Variants in AMZ2 observed in about 807,000 individuals in gnomAD.
AMZ2 encodes archaelysin family metallopeptidase 2.
Under a neutral mutation model 36.7 loss-of-function variants are expected in AMZ2, and 26 were observed. That is an observed-to-expected ratio of 0.71 (90% CI 0.52 to 0.98). The LOEUF (loss-of-function observed/expected upper bound fraction) is 0.98. Ranked by LOEUF, AMZ2 falls within the 50% of genes least tolerant of loss-of-function variation. AMZ2 has a pLI of 0.00. For missense variants in AMZ2, 394 were observed against 430.5 expected (o/e 0.92, Z 0.75); for synonymous variants, 144 against 149.1 (o/e 0.97, Z 0.25).
At chr17:68,253,230 C>G (rs2074621642) in intron 4 of AMZ2, among the ~76,000 whole-genome samples, 1 of 152,136 alleles carries the variant, frequency 6.6e-6, no homozygotes, top group Admixed American at 6.5e-5. Context: ...TTCCAGAATG[C>G]TATCTTTGCT....
chr17:68,227,499 T>A (rs2073544856), intron 1 of AMZ2, among the ~76,000 whole-genome samples: 1 of 152,172 alleles, frequency 6.6e-6, no homozygotes, highest in African/African-American at 2.4e-5. Context: ...AAGTCTAAAC[T>A]CCTTACTGCT....
At chr17:68,248,778 G>A (rs1488249316) in intron 1 of AMZ2, 73 bp downstream of exon 1, 27 of 994,020 alleles carry the variant, frequency 2.7e-5, no homozygotes, top group Middle Eastern at 4.9e-4. Context: ...GCCCAGTTGT[G>A]TAGGAGTGAG....
chr17:68,211,274 G>A (rs1200918885), intron 1 of AMZ2, among the ~76,000 whole-genome samples: 5 of 152,064 alleles, frequency 3.3e-5, no homozygotes, highest in African/African-American at 9.7e-5. Flanking sequence ...AGGCCGATGC[G>A]GTAGGATCAT....
In AMZ2 at chr17:68,230,320, C is replaced by T. The variant is rs553598069; in HGVS notation, c.-66-18320C>T. The stretch of plus-strand genomic sequence containing the variant: ...AACTCCTGACCCCAGGTGATCCACT[C>T]GCCTCGGCCTCCCACAGTGCTGGGA... On this transcript the variant is annotated intron_variant, in intron 1 of 7. Coordinates refer to the AMZ2 transcript ENST00000674770. Among the ~76,000 whole-genome samples the T allele has an allele frequency of 4.6e-5, 7 of 152,334 alleles. No individual in the cohort carries two copies. In the East Asian group the frequency reaches 1.4e-3, roughly 29 times the overall value.
At chr17:68,247,604 G>A (rs1234252119), upstream of AMZ2, 4 of 982,654 alleles carry the variant, frequency 4.1e-6, no homozygotes, top group African/African-American at 3.5e-5. Flanking sequence ...TGAGGGTGAC[G>A]GCCCCGGGGA....
chr17:68,232,576 G>C (rs2073691511), intron 1 of AMZ2, among the ~76,000 whole-genome samples: 1 of 151,872 alleles, frequency 6.6e-6, no homozygotes, highest in Admixed American at 6.6e-5. Flanking sequence ...TGTGGTTTTG[G>C]ATCATGCCTA....
intron 1 of AMZ2, among the ~76,000 whole-genome samples, chr17:68,240,878 A>G (rs1436936982): frequency 2.6e-5 from 4 of 152,244 alleles, no homozygotes; most frequent in African/African-American, 9.6e-5. Context: ...TAAATTCTCA[A>G]TCAAGTATGA....
chr17:68,240,121 C>G (rs1305449944), intron 1 of AMZ2, among the ~76,000 whole-genome samples: 1 of 152,150 alleles, frequency 6.6e-6, no homozygotes, highest in African/African-American at 2.4e-5. Context: ...CTGGGGAGGG[C>G]CTGCTTTCTG....
chr17:68,247,623 G>C, upstream of AMZ2: 2 of 985,356 alleles, frequency 2.0e-6, no homozygotes, highest in Non-Finnish European at 2.4e-6. Flanking sequence ...GAGCGCTGCG[G>C]CTCTACGTCA....
chr17:68,247,835 T>A (rs1179688402), upstream of AMZ2: 2 of 985,372 alleles, frequency 2.0e-6, no homozygotes. Flanking sequence ...GGTGGACAGC[T>A]GGGGCTTGTA....
At chr17:68,225,576 T>A (rs1213848265) in intron 1 of AMZ2, among the ~76,000 whole-genome samples, 1 of 152,244 alleles carries the variant, frequency 6.6e-6, no homozygotes, top group Non-Finnish European at 1.5e-5. Context: ...AAGTTAGCAT[T>A]GTGTTCAGGC....
At chr17:68,209,318 C>T (rs1259491388) in intron 1 of AMZ2, among the ~76,000 whole-genome samples, 1 of 151,836 alleles carries the variant, frequency 6.6e-6, no homozygotes. Flanking sequence ...CTCAGCCTCC[C>T]CAGCAGCTGG....
chr17:68,242,886 C>T (rs1358380438), intron 1 of AMZ2, among the ~76,000 whole-genome samples: 2 of 150,450 alleles, frequency 1.3e-5, no homozygotes, highest in African/African-American at 4.9e-5. Context: ...TACAAAAAAA[C>T]ACAAAACATT....
intron 1 of AMZ2, among the ~76,000 whole-genome samples, chr17:68,223,912 C>T (rs12936708): frequency 0.33 from 48,359 of 144,988 alleles, 8,348 homozygotes; most frequent in African/African-American, 0.47. Context: ...TTTTTTGAAA[C>T]GGAGTCTCGC....
In AMZ2 at chr17:68,254,444, T is replaced by C. The variant is rs782579578; in HGVS notation, c.627T>C (p.Phe209=). Residue 209 remains phenylalanine (F), a synonymous_variant, in exon 5 of 7, where the codon TTT becomes TTC. Coordinates refer to ENST00000359904, the MANE Select transcript of AMZ2 (RefSeq NM_016627.5). ...GCTTTGCCAGGTATGGCAGTGATTT[T>C]TATAGCATGCACTATAAAGGCAAAG... ...IFSFARYGSD[F]YSMHYKGKVK... 1.2e-6 allele frequency: 2 copies of C among 1,613,286 alleles called. No homozygotes were observed. The highest frequency in any genetic ancestry group is 1.7e-6 in the Non-Finnish European group (2 of 1,179,982).
At chr17:68,209,632 ATTTTTT>A (rs1224207690) in intron 1 of AMZ2, among the ~76,000 whole-genome samples, 4 of 90,680 alleles carry the variant, frequency 4.4e-5, no homozygotes, top group South Asian at 3.9e-4. Context: ...ATATATATAT[ATTTTTT>A]TTTTTTTTTA....
At chr17:68,256,064 A>T (rs1318717137) in intron 6 of AMZ2, among the ~76,000 whole-genome samples, 188 bp downstream of exon 6, 1 of 152,186 alleles carries the variant, frequency 6.6e-6, no homozygotes, top group Non-Finnish European at 1.5e-5. Context: ...CCTTTGAGTG[A>T]TTTATGCTTA....
chr17:68,208,698 A>G (rs1555725006), intron 1 of AMZ2, among the ~76,000 whole-genome samples: 1 of 152,254 alleles, frequency 6.6e-6, no homozygotes, highest in Non-Finnish European at 1.5e-5. Context: ...TTGGGTCCAC[A>G]CTGCCTTTAC....
At chr17:68,241,877 C>G (rs1555734050) in intron 1 of AMZ2, among the ~76,000 whole-genome samples, 1 of 151,006 alleles carries the variant, frequency 6.6e-6, no homozygotes, top group Non-Finnish European at 1.5e-5. Flanking sequence ...GTGTGCACCA[C>G]CACACCTGGC....
Sources: allele counts gnomAD v4.1 joint callset (sites outside exome capture counted in the v4.1 genomes callset), GRCh38; gene constraint gnomAD v4.1.1; transcripts MANE v1.5; gene names NCBI Gene and HGNC (gene_info 2026-07-23, HGNC 2026-07-21).